Variants in WASF2 observed in about 807,000 individuals in gnomAD.
WASF2 encodes actin-binding protein WASF2.
In WASF2, 14 loss-of-function variants were observed where a neutral mutation model predicts 45.0. The observed-to-expected ratio is 0.31, with a 90% CI of 0.21 to 0.49. The LOEUF (loss-of-function observed/expected upper bound fraction) is 0.49. WASF2 is among the 20% of genes least tolerant of loss of function. The probability of loss-of-function intolerance (pLI) is 0.99; values close to 1 mark genes in which losing one functional copy is unlikely to be tolerated. For missense variants in WASF2, 439 were observed against 636.1 expected, an observed-to-expected ratio of 0.69 and a Z score of 3.33; for synonymous variants, 200 against 236.3, an observed-to-expected ratio of 0.85 and a Z score of 1.41.
At chr1:27,452,989 T>C (rs1180021465) in intron 1 of WASF2, among the ~76,000 whole-genome samples, 1 of 150,506 alleles carries the variant, frequency 6.6e-6, no homozygotes, top group African/African-American at 2.4e-5. Context: ...GTGGATCACC[T>C]GAAGTCAGGA....
At chr1:27,412,305 C>G (rs1200256207) in intron 7 of WASF2, among the ~76,000 whole-genome samples, 2 of 152,184 alleles carry the variant, frequency 1.3e-5, no homozygotes, top group Non-Finnish European at 2.9e-5. Context: ...CTCCCAGGCT[C>G]AAGCGATCCT....
intron 1 of WASF2, among the ~76,000 whole-genome samples, chr1:27,466,934 C>T (rs1046759817): frequency 1.1e-4 from 17 of 151,920 alleles, no homozygotes; most frequent in African/African-American, 3.9e-4. Context: ...ACTTTTCAGG[C>T]TGGGGTGCGG....
intron 1 of WASF2, among the ~76,000 whole-genome samples, chr1:27,447,174 T>C (rs1178711504): frequency 6.6e-6 from 1 of 152,180 alleles, no homozygotes; most frequent in Non-Finnish European, 1.5e-5. Flanking sequence ...AAGATATGAG[T>C]ATTTAGAAAA....
In WASF2 at chr1:27,468,181, C is replaced by G. The variant is rs1379477339; in HGVS notation, c.-44+21805G>C. The stretch of plus-strand genomic sequence containing the variant: ...AATTTAATTAGAAGCTTGAATATTT[C>G]TGTTAGACAACACTCTCTAGATCTA... On this transcript the variant is annotated intron_variant, in intron 1 of 8. Transcript: ENST00000618852. Among the ~76,000 whole-genome samples the G allele has an allele frequency of 4.5e-4, 69 of 152,068 alleles. 1 individual carries two copies. The highest frequency in any genetic ancestry group is 4.5e-3 in the Admixed American group (69 of 15,258).
At chr1:27,434,982 T>C (rs180698782) in intron 1 of WASF2, among the ~76,000 whole-genome samples, 2 of 152,274 alleles carry the variant, frequency 1.3e-5, no homozygotes, top group Admixed American at 1.3e-4. Flanking sequence ...GTTTTGCTCT[T>C]GTTGCCCAGG....
At position 27,410,173 on chromosome 1, in the gene WASF2, C is replaced by G. The variant is rs2016743386; in HGVS notation, c.858G>C (p.Leu286Phe). The G allele has an allele frequency of 1.2e-6, 2 of 1,613,910 alleles. No homozygotes were observed. Among genetic ancestry groups the G allele is most frequent in the Non-Finnish European group, 1.7e-6 (2 of 1,179,974 alleles). ...CCACACTGGATCTTTTGGGTCCAGCCAAACCAGATCCTCTTTGGTTGTCCA... is the reference window on the plus strand; with the variant it reads ...CCACACTGGATCTTTTGGGTCCAGCGAAACCAGATCCTCTTTGGTTGTCCA... ...YPVDNQRGSG[L>F]AGPKRSSVVS... The change falls in exon 8 of 9, where the codon TTG becomes TTC. Residue 286 changes from leucine (L) to phenylalanine (F), a missense_variant. Physicochemically the swap from Leu to Phe is conservative, Grantham distance 22 (BLOSUM62 0). Around this residue, in one of 5 missense-constraint regions of WASF2, gnomAD observed 286 missense variants for 373.5 expected, o/e 0.77. Transcript: ENST00000618852. The surrounding 1 kb of genome is among the most constrained non-coding windows in gnomAD (Gnocchi z 4.2).
At chr1:27,476,160 G>A (rs779737009) in intron 1 of WASF2, among the ~76,000 whole-genome samples, 1 of 152,148 alleles carries the variant, frequency 6.6e-6, no homozygotes, top group Non-Finnish European at 1.5e-5. Flanking sequence ...TACTGTTTAC[G>A]AGGCCTTAGG....
chr1:27,474,096 A>AT (rs903308654), intron 1 of WASF2, among the ~76,000 whole-genome samples: 1 of 152,016 alleles, frequency 6.6e-6, no homozygotes. Context: ...CCAGGAATAC[A>AT]TTTTTTTTCT....
intron 1 of WASF2, among the ~76,000 whole-genome samples, chr1:27,443,093 A>AGT: frequency 6.6e-6 from 1 of 150,452 alleles, no homozygotes; most frequent in Non-Finnish European, 1.5e-5. Flanking sequence ...GAGCCCAGGA[A>AGT]GTCGAGCCTG....
At chr1:27,439,880 G>A (rs745935349) in intron 1 of WASF2, among the ~76,000 whole-genome samples, 6 of 152,100 alleles carry the variant, frequency 3.9e-5, no homozygotes, top group Non-Finnish European at 7.3e-5. Context: ...CACACCTGTA[G>A]TCCCATCTAC....
At chr1:27,467,861 G>A (rs1482776128) in intron 1 of WASF2, among the ~76,000 whole-genome samples, 1 of 151,836 alleles carries the variant, frequency 6.6e-6, no homozygotes, top group Non-Finnish European at 1.5e-5. Context: ...GCAGTACATC[G>A]AGATCACGCC....
rs977105655 is a variant in WASF2 at position 27,407,204 on chromosome 1, C to G, written c.*985G>C. 1 of 152,692 alleles carries G rather than the reference C, an allele frequency of 6.5e-6. No individual in the cohort carries two copies. Among genetic ancestry groups the G allele is most frequent in the African/African-American group, 2.4e-5 (1 of 41,432 alleles). 9.5% of individuals were successfully genotyped at this position (152,692 alleles called of 1,614,324 possible). ...TCCAGCAGGTGCCCATTCTTTGGTC[C>G]CAGAAAGCACAGGTGACTTGGAATC... On this transcript the variant is annotated 3_prime_UTR_variant, in exon 9 of 9. Transcript: ENST00000618852.
chr1:27,428,681 G>C, intron 2 of WASF2, 80 bp downstream of exon 2: 1 of 1,606,510 alleles, frequency 6.2e-7, no homozygotes, highest in South Asian at 1.1e-5. Context: ...GGAGAAATAG[G>C]AACGCGGGAG....
intron 1 of WASF2, among the ~76,000 whole-genome samples, chr1:27,448,495 C>T (rs2017339875): frequency 6.6e-6 from 1 of 152,124 alleles, no homozygotes; most frequent in Non-Finnish European, 1.5e-5. Flanking sequence ...AACACTAACA[C>T]CGAACATTGG....
At chr1:27,474,172 A>G (rs759330769) in intron 1 of WASF2, among the ~76,000 whole-genome samples, 2 of 152,234 alleles carry the variant, frequency 1.3e-5, no homozygotes, top group South Asian at 2.1e-4. Context: ...TGTAATGGCC[A>G]TGAGTTGATA....
rs533124214 is a variant in WASF2, at chr1:27,447,182, A to G, written c.-43-18249T>C. On this transcript the variant is annotated intron_variant, in intron 1 of 8. Transcript: ENST00000618852. ...TTATTTTAAGATATGAGTATTTAGAAAAATAAAATTATATTTACATTAACA... is the reference window on the plus strand; with the variant it reads ...TTATTTTAAGATATGAGTATTTAGAGAAATAAAATTATATTTACATTAACA... 2.0e-5 allele frequency among the ~76,000 whole-genome samples: 3 copies of G among 152,366 alleles called. No individual in the cohort carries two copies. The East Asian group carries it at 5.8e-4, about 29-fold the overall frequency.
intron 4 of WASF2, 82 bp from the exon 5 acceptor site, chr1:27,416,184 TAGC>T: frequency 8.5e-7 from 1 of 1,180,760 alleles, no homozygotes. Context: ...ACCTACCAGT[TAGC>T]AGTTTTTACA....
In WASF2 at chr1:27,414,722, A is replaced by G; in HGVS notation, c.668+111T>C. 7.0e-7 allele frequency: 1 copy of G among 1,426,178 alleles called. No individual in the cohort carries two copies. Among genetic ancestry groups the G allele is most frequent in the Admixed American group, 2.2e-5 (1 of 44,838 alleles). 88.3% of individuals were successfully genotyped at this position (1,426,178 alleles called of 1,614,324 possible). A position where few individuals can be genotyped will look rare whatever the true frequency, so the allele number is the denominator to read the frequency against. ...GCTGATTAACAGTGGTATTGATCTAAGCCACAGAGACAGACTTCAGGGGGT... is the reference window on the plus strand; with the variant it reads ...GCTGATTAACAGTGGTATTGATCTAGGCCACAGAGACAGACTTCAGGGGGT... On this transcript the variant is annotated intron_variant, in intron 6 of 8. Coordinates refer to ENST00000618852, the MANE Select transcript of WASF2 (RefSeq NM_006990.5). This position sits in a 1 kb window ranked among gnomAD's most constrained non-coding sequence, Gnocchi z 4.1.
intron 2 of WASF2, among the ~76,000 whole-genome samples, chr1:27,420,733 G>A (rs1381209298): frequency 6.6e-6 from 1 of 151,784 alleles, no homozygotes; most frequent in African/African-American, 2.4e-5. Context: ...ATGTTGGCCA[G>A]GCTGGTCTTG....
Sources: gnomAD v4.1 joint callset for allele counts (sites outside exome capture counted in the v4.1 genomes callset) on GRCh38, gnomAD v4.1.1 for gene constraint, gnomAD v4.1.1 regional missense constraint, Gnocchi (gnomAD v3.1) non-coding constraint, MANE v1.5 for transcripts, NCBI Gene and HGNC (gene_info 2026-07-23, HGNC 2026-07-21) for gene names.